The following OCM2 variants were observed in gnomAD, a reference collection of about 807,000 sequenced individuals.
OCM2 encodes oncomodulin 2, also known as oncomodulin-2.
In OCM2, 6 loss-of-function variants were observed where a neutral mutation model predicts 13.6. The ratio of observed to expected loss-of-function variants is 0.44; its 90% CI spans 0.24 to 0.87. OCM2 has a LOEUF of 0.87. OCM2 is among the 40% of genes least tolerant of loss of function. The pLI, the probability that OCM2 is intolerant of heterozygous loss-of-function variation, is 0.22. For missense variants in OCM2, 118 were observed against 136.8 expected (o/e 0.86, Z 0.68); for synonymous variants, 40 against 50.7 (o/e 0.79, Z 0.90).
intron 1 of OCM2, 23 bp downstream of exon 1, chr7:97,990,012 GAAATCCCAC>G: frequency 6.3e-7 from 1 of 1,583,542 alleles, no homozygotes; most frequent in Non-Finnish European, 8.7e-7. Flanking sequence ...AAGCTGTGAG[GAAATCCCAC>G]CCCCGCCCCA....
intron 3 of OCM2, among the ~76,000 whole-genome samples, chr7:97,985,431 A>AAAAAAAAAAAAAAAAAAG (rs757682710): frequency 7.6e-6 from 1 of 131,500 alleles, no homozygotes. Context: ...AAAAAAAAAA[A>AAAAAAAAAAAAAAAAAAG]AAAGAAAGAA....
chr7:97,989,954 G>T, intron 1 of OCM2, 90 bp downstream of exon 1: 2 of 1,360,890 alleles, frequency 1.5e-6, no homozygotes, highest in Non-Finnish European at 2.1e-6. Context: ...CACTGCGTCT[G>T]GCCGCCTGGC....
At chr7:97,986,252 T>C (rs1213499672) in intron 3 of OCM2, among the ~76,000 whole-genome samples, 1 of 152,050 alleles carries the variant, frequency 6.6e-6, no homozygotes, top group Non-Finnish European at 1.5e-5. Flanking sequence ...CCTTACCTAA[T>C]CTGTTTTTAT....
chr7:97,986,562 A>G (rs1437913049), intron 3 of OCM2, among the ~76,000 whole-genome samples: 3 of 152,174 alleles, frequency 2.0e-5, no homozygotes, highest in Non-Finnish European at 4.4e-5. Context: ...TCTCTGTTTA[A>G]TATTATCCCC....
intron 3 of OCM2, among the ~76,000 whole-genome samples, chr7:97,986,640 A>G (rs559535240): frequency 7.9e-5 from 12 of 152,284 alleles, no homozygotes; most frequent in African/African-American, 2.2e-4. Context: ...CTTCCTACGC[A>G]TGCCAATGGA....
chr7:97,989,211 G>A (rs1310612700), intron 1 of OCM2, among the ~76,000 whole-genome samples: 2 of 152,016 alleles, frequency 1.3e-5, no homozygotes, highest in Non-Finnish European at 2.9e-5. Context: ...GATTACAGGT[G>A]TGAGCACCAC....
intron 1 of OCM2, 28 bp downstream of exon 1, chr7:97,990,016 T>TGGCCCCCC: frequency 1.5e-4 from 160 of 1,083,742 alleles, no homozygotes; most frequent in Middle Eastern, 2.1e-4. Context: ...TGTGAGGAAA[T>TGGCCCCCC]CCCACCCCCG....
chr7:97,986,519 G>A (rs71563547), intron 3 of OCM2, among the ~76,000 whole-genome samples: 16,875 of 152,052 alleles, frequency 0.11, 1,168 homozygotes, highest in African/African-American at 0.19. Flanking sequence ...TTCTGCCTAC[G>A]GAAGACTCAA....
intron 3 of OCM2, among the ~76,000 whole-genome samples, chr7:97,985,431 AAAAG>A (rs1554366491): frequency 0.01 from 1,375 of 131,490 alleles, 23 homozygotes; most frequent in African/African-American, 0.03. Flanking sequence ...AAAAAAAAAA[AAAAG>A]AAAGAAAGAA....
chr7:97,988,602 G>A (rs1368958151), intron 1 of OCM2, 54 bp from the exon 2 acceptor site: 1 of 1,608,032 alleles, frequency 6.2e-7, no homozygotes, highest in African/African-American at 1.3e-5. Context: ...ATTCTATGTT[G>A]GGGCCAAGGT....
chr7:97,986,489 T>C lies in OCM2; in HGVS notation c.304+558A>G, dbSNP rs144746916. Among the ~76,000 whole-genome samples the C allele has an allele frequency of 2.8e-4, 43 of 152,292 alleles. 3 individuals carry two copies. The highest frequency in any genetic ancestry group is 9.9e-4 in the African/African-American group (41 of 41,572). On this transcript the variant is annotated intron_variant, in intron 3 of 3. Coordinates refer to ENST00000257627, the Ensembl canonical transcript of OCM2. ...TAGTCCTACAGCTATGCTAGTGTAT[T>C]CTAAAGCTCAAACCTAGGATTCTGC...
chr7:97,988,362 C>T, intron 2 of OCM2, 54 bp downstream of exon 2: 1 of 1,609,516 alleles, frequency 6.2e-7, no homozygotes, highest in Non-Finnish European at 8.5e-7. Context: ...CCCCACTGCA[C>T]CCCAGGCCCA....
intron 1 of OCM2, 103 bp from the exon 2 acceptor site, chr7:97,988,651 C>T (rs1794696683): frequency 2.0e-6 from 3 of 1,469,508 alleles, no homozygotes; most frequent in Non-Finnish European, 2.8e-6. Flanking sequence ...TCAACAATAT[C>T]CCTGAGCTAC....
In OCM2 at chr7:97,990,164, A is replaced by G; in HGVS notation, c.-60T>C. 2 of 1,515,038 alleles carry G rather than the reference A, an allele frequency of 1.3e-6. No homozygotes were observed. The highest frequency in any genetic ancestry group is 1.8e-6 in the Non-Finnish European group (2 of 1,091,226). 93.8% of individuals were successfully genotyped at this position (1,515,038 alleles called of 1,614,324 possible). A position where few individuals can be genotyped will look rare whatever the true frequency, so the allele number is the denominator to read the frequency against. On this transcript the variant is annotated 5_prime_UTR_variant, in exon 1 of 4. It removes an upstream start codon present in the reference 5' UTR. Coordinates refer to ENST00000257627, the Ensembl canonical transcript of OCM2. ...ATAAGCCACAAACAGGAACGTGCAC[A>G]TCCAGGGGAAACACATCTTCCCAGG...
intron 2 of OCM2, 70 bp downstream of exon 2, chr7:97,988,346 C>A: frequency 6.3e-7 from 1 of 1,591,960 alleles, no homozygotes; most frequent in South Asian, 1.1e-5. Context: ...TACTGAGCAA[C>A]CTGGCCCCCA....
chr7:97,986,720 C>A (rs117054487), intron 3 of OCM2, among the ~76,000 whole-genome samples: 4 of 152,132 alleles, frequency 2.6e-5, no homozygotes, highest in African/African-American at 9.7e-5. Context: ...AAATACCTCG[C>A]GCTATATGCA....
chr7:97,990,014 A>ATTGGG, intron 1 of OCM2, 30 bp downstream of exon 1: 1 of 1,385,024 alleles, frequency 7.2e-7, no homozygotes, highest in Non-Finnish European at 1.0e-6. Flanking sequence ...GCTGTGAGGA[A>ATTGGG]ATCCCACCCC....
intron 2 of OCM2, among the ~76,000 whole-genome samples, chr7:97,987,745 C>T (rs1204581707): frequency 6.6e-6 from 1 of 152,130 alleles, no homozygotes; most frequent in Non-Finnish European, 1.5e-5. Flanking sequence ...TGCAGCTGCA[C>T]GATCTGGGCT....
chr7:97,990,020 A>ATGGGG, intron 1 of OCM2, 24 bp downstream of exon 1: 1 of 644,628 alleles, frequency 1.6e-6, no homozygotes, highest in Non-Finnish European at 2.7e-6. Context: ...AGGAAATCCC[A>ATGGGG]CCCCCGCCCC....
Sources: allele counts gnomAD v4.1 joint callset (sites outside exome capture counted in the v4.1 genomes callset), GRCh38; gene constraint gnomAD v4.1.1; transcripts MANE v1.5; gene names NCBI Gene and HGNC (gene_info 2026-07-23, HGNC 2026-07-21).